Variants in PDPR observed in about 807,000 individuals in gnomAD.
PDPR encodes the protein pyruvate dehydrogenase phosphatase regulatory subunit, also known as pyruvate dehydrogenase phosphatase regulatory subunit, mitochondrial.
Under a neutral mutation model 102.2 loss-of-function variants are expected in PDPR, and 50 were observed. The ratio of observed to expected loss-of-function variants is 0.49; its 90% confidence interval spans 0.39 to 0.62. PDPR has a LOEUF of 0.62. PDPR is among the 20% of genes least tolerant of loss of function. PDPR has a pLI of 0.00. For missense variants in PDPR, 625 were observed against 1,098.2 expected (o/e 0.57, Z 6.09); for synonymous variants, 259 against 406.0 (o/e 0.64, Z 4.35).
At chr16:70,121,980 GTTTTC>G (rs1402354817) in intron 3 of PDPR, among the ~76,000 whole-genome samples, 4 of 152,022 alleles carry the variant, frequency 2.6e-5, no homozygotes, top group African/African-American at 7.2e-5. Context: ...TGCCTAGGCT[GTTTTC>G]TTTTCTTTCT....
intron 3 of PDPR, among the ~76,000 whole-genome samples, chr16:70,122,513 G>C (rs183984668): frequency 1.2e-4 from 19 of 152,404 alleles, no homozygotes; most frequent in Non-Finnish European, 2.4e-4. Context: ...TGGCTGTCCT[G>C]TCTCACTTCT....
chr16:70,142,830 G>A, intron 13 of PDPR, 144 bp downstream of exon 13: 2 of 1,375,752 alleles, frequency 1.5e-6, no homozygotes, highest in Admixed American at 4.0e-5. Flanking sequence ...AGGCCAAGGG[G>A]GCGTGGATCA....
intron 10 of PDPR, among the ~76,000 whole-genome samples, chr16:70,138,432 GT>G (rs1965386782): frequency 6.6e-6 from 1 of 152,204 alleles, no homozygotes; most frequent in African/African-American, 2.4e-5. Flanking sequence ...GGTCAGGCTT[GT>G]TTCGAACTCC....
At chr16:70,127,586 G>A (rs1432150670) in intron 4 of PDPR, among the ~76,000 whole-genome samples, 193 bp downstream of exon 4, 6 of 152,372 alleles carry the variant, frequency 3.9e-5, no homozygotes, top group Non-Finnish European at 8.8e-5. Flanking sequence ...TCAGGAGATC[G>A]AGACCATCCT....
intron 17 of PDPR, among the ~76,000 whole-genome samples, 155 bp from the exon 18 acceptor site, chr16:70,153,236 T>C (rs1032197822): frequency 6.6e-6 from 1 of 152,288 alleles, no homozygotes; most frequent in African/African-American, 2.4e-5. Context: ...ACTCCTGGGC[T>C]GTGCCCTGAG....
In PDPR at chr16:70,143,541, A is replaced by G; in HGVS notation, c.1637A>G (p.Gln546Arg). 1 of 1,613,738 alleles carries G rather than the reference A, an allele frequency of 6.2e-7. No homozygotes were observed. Among genetic ancestry groups the G allele is most frequent in the Non-Finnish European group, 8.5e-7 (1 of 1,179,638 alleles). The change falls in exon 14 of 19, where the codon CAG (glutamine) becomes CGG (arginine). Residue 546 changes from glutamine to arginine, a missense_variant. Physicochemically the swap from Gln to Arg is conservative, Grantham distance 43 (BLOSUM62 1). This residue lies in a region of PDPR where 28 missense variants were observed against 141.2 expected (regional missense o/e 0.20). Coordinates refer to ENST00000288050, the MANE Select transcript of PDPR (RefSeq NM_017990.5). ...GGGGATCAGGCATTAGAAGTTCTAC[A>G]GTACCTCTTCTCCAATGACCTGGAT... The part of the protein sequence containing the change: ...STGDQALEVL[Q>R]YLFSNDLDVP...
intron 14 of PDPR, 87 bp downstream of exon 14, chr16:70,143,745 G>T (rs2303200): frequency 6.8e-7 from 1 of 1,470,786 alleles, no homozygotes; most frequent in Non-Finnish European, 9.3e-7. Flanking sequence ...GCGCTTCTCC[G>T]GGAACCATAA....
At position 70,154,500 on chromosome 16, in the gene PDPR, T is replaced by A. The variant is rs903564341; in HGVS notation, c.2235+927T>A. Among the ~76,000 whole-genome samples, 11 of 152,266 alleles carry A rather than the reference T, an allele frequency of 7.2e-5. No individual in the cohort carries two copies. The South Asian group carries it at 1.4e-3, about 20-fold the overall frequency. Reference sequence around the variant, plus strand: ...TGAAAAACAAACAAAAAAACCCACTTATTTCTAGTGTTCTGCTGTCTAAAA... The same window carrying A: ...TGAAAAACAAACAAAAAAACCCACTAATTTCTAGTGTTCTGCTGTCTAAAA... On this transcript the variant is annotated intron_variant, in intron 18 of 18. Transcript: ENST00000288050.
Position 70,156,862 on chromosome 16 carries a change from G to T in PDPR, c.2623G>T (p.Asp875Tyr). 6.2e-7 allele frequency: 1 copy of T among 1,613,730 alleles called. No homozygotes were observed. Among genetic ancestry groups the T allele is most frequent in the South Asian group, 1.1e-5 (1 of 91,014 alleles). Residue 875 changes from aspartate (D) to tyrosine (Y), a missense_variant, in exon 19 of 19, where the codon GAC becomes TAC. Asp to Tyr is a radical substitution (Grantham distance 160). Transcript: ENST00000288050. ...KRRKDDMELS[D>Y]LHGK ...CCGAAAGGATGACATGGAGCTGAGT[G>T]ACTTACATGGGAAGTGATGCCACCA...
intron 9 of PDPR, among the ~76,000 whole-genome samples, chr16:70,135,586 T>C (rs897793607): frequency 2.0e-5 from 3 of 152,258 alleles, no homozygotes; most frequent in African/African-American, 7.2e-5. Flanking sequence ...TTAAGAGCTT[T>C]TCCACTCACA....
rs1966220829 is a variant in PDPR at position 70,146,136 on chromosome 16, C to T, written c.1870C>T (p.Leu624Phe). 1 of 1,612,740 alleles carries T rather than the reference C, an allele frequency of 6.2e-7. No individual in the cohort carries two copies. The highest frequency in any genetic ancestry group is 1.7e-5 in the Admixed American group (1 of 59,934). ...ATCTCTTGTTCTTTTCCATTTAGCC[C>T]TCAATCTGATTGGCCCTCGAGCTGT... ...LEDVTWKYTA[L>F]NLIGPRAVDV... Residue 624 changes from leucine (L) to phenylalanine (F), a missense_variant and splice_region_variant, in exon 16 of 19, where the codon CTC becomes TTC. Physicochemically the swap from Leu to Phe is conservative, Grantham distance 22 (BLOSUM62 0). This residue lies in a region of PDPR where 28 missense variants were observed against 141.2 expected (regional missense o/e 0.20). Transcript: ENST00000288050.
chr16:70,116,555 A>T (rs867499612), intron 2 of PDPR, among the ~76,000 whole-genome samples: 14 of 147,024 alleles, frequency 9.5e-5, no homozygotes, highest in South Asian at 4.3e-4. Context: ...AAAAAAAAAA[A>T]AATTAAAAAA....
intron 7 of PDPR, 134 bp from the exon 8 acceptor site, chr16:70,131,168 C>G: frequency 1.5e-6 from 1 of 672,366 alleles, no homozygotes; most frequent in South Asian, 1.6e-5. Flanking sequence ...TGAACTAAAG[C>G]AGGCTGACTT....
rs1447716025 is a variant in PDPR, at chr16:70,159,160, T to G, written c.*2281T>G. On this transcript the variant is annotated 3_prime_UTR_variant, in exon 19 of 19. Transcript: ENST00000288050. ...TAAGACTTGGATTCTCTTCTGCCCT[T>G]GTTAATCTCCAACTAATTACTACAG... The G allele has an allele frequency of 1.3e-5, 2 of 152,372 alleles. No individual in the cohort carries two copies. Among genetic ancestry groups the G allele is most frequent in the Non-Finnish European group, 2.9e-5 (2 of 68,082 alleles). 9.4% of individuals were successfully genotyped at this position (152,372 alleles called of 1,614,324 possible).
intron 11 of PDPR, among the ~76,000 whole-genome samples, chr16:70,141,095 C>T (rs1359212572): frequency 8.5e-5 from 13 of 152,194 alleles, no homozygotes; most frequent in African/African-American, 3.1e-4. Context: ...GCTCTATTGC[C>T]CAGGCTGGAG....
intron 9 of PDPR, among the ~76,000 whole-genome samples, chr16:70,133,421 C>T (rs1403311107): frequency 5.8e-5 from 6 of 103,752 alleles, no homozygotes; most frequent in African/African-American, 2.4e-4. Flanking sequence ...TGCGTCTGGC[C>T]TTTTTTTTTT....
chr16:70,121,431 C>T (rs1009495717), intron 3 of PDPR, among the ~76,000 whole-genome samples: 1 of 151,604 alleles, frequency 6.6e-6, no homozygotes, highest in African/African-American at 2.4e-5. Context: ...GTGGCTCACA[C>T]TTGTAATCCC....
At position 70,156,632 on chromosome 16, in the gene PDPR, A is replaced by G. The variant is rs1967236877; in HGVS notation, c.2393A>G (p.Lys798Arg). The change falls in exon 19 of 19, where the codon AAG (lysine) becomes AGG (arginine). Residue 798 changes from lysine to arginine, a missense_variant. Lys to Arg is a conservative substitution (Grantham distance 26). This residue lies in a region of PDPR where 303 missense variants were observed against 258.9 expected (regional missense o/e 1.17). Transcript: ENST00000288050. ...PIYRNGQYVG[K>R]TTSSAYSYSL... ...TACCGGAATGGGCAGTATGTTGGCA[A>G]GACCACCAGCAGTGCCTACAGCTAC... 7 of 1,614,092 alleles carry G rather than the reference A, an allele frequency of 4.3e-6. No individual in the cohort carries two copies. Among genetic ancestry groups the G allele is most frequent in the East Asian group, 2.2e-5 (1 of 44,892 alleles).
chr16:70,139,224 A>G (rs1965472938), intron 11 of PDPR, among the ~76,000 whole-genome samples: 1 of 152,228 alleles, frequency 6.6e-6, no homozygotes, highest in Non-Finnish European at 1.5e-5. Context: ...AGTGCATCGG[A>G]CCTTGTTTCA....
Sources: gnomAD v4.1 joint callset for allele counts (sites outside exome capture counted in the v4.1 genomes callset) on GRCh38, gnomAD v4.1.1 for gene constraint, gnomAD v4.1.1 regional missense constraint, MANE v1.5 for transcripts, NCBI Gene and HGNC (gene_info 2026-07-23, HGNC 2026-07-21) for gene names.